The following KCNIP3 variants were observed in gnomAD, a reference collection of about 807,000 sequenced individuals.
KCNIP3 encodes calsenilin.
A neutral mutation model predicts 35.0 loss-of-function variants in KCNIP3; 28 were observed. The observed-to-expected ratio is 0.80, with a 90% CI of 0.59 to 1.10. The LOEUF is 1.10. KCNIP3 is among the 50% of genes least tolerant of loss of function. The pLI, the probability that KCNIP3 is intolerant of heterozygous loss-of-function variation, is 0.00. For synonymous variants in KCNIP3, 134 were observed against 133.8 expected (o/e 1.00, Z -0.01); for missense variants, 295 against 338.4 (o/e 0.87, Z 1.01).
chr2:95,310,784 G>C, intron 2 of KCNIP3: 1 of 495,596 alleles, frequency 2.0e-6, no homozygotes. Context: ...CAGTTGGCTA[G>C]GAAGACAGAG....
intron 2 of KCNIP3, among the ~76,000 whole-genome samples, chr2:95,350,914 G>A (rs1294662816): frequency 2.0e-5 from 3 of 152,192 alleles, no homozygotes; most frequent in Non-Finnish European, 4.4e-5. Context: ...GACTTCATGG[G>A]GGAGTCACTG....
chr2:95,365,603 G>A (rs949667007), intron 2 of KCNIP3, among the ~76,000 whole-genome samples: 1 of 152,190 alleles, frequency 6.6e-6, no homozygotes, highest in Non-Finnish European at 1.5e-5. Flanking sequence ...AGTTACAGGA[G>A]GTGAGAAAAA....
At chr2:95,332,654 T>C (rs1678960726) in intron 2 of KCNIP3, among the ~76,000 whole-genome samples, 1 of 152,222 alleles carries the variant, frequency 6.6e-6, no homozygotes, top group South Asian at 2.1e-4. Flanking sequence ...TGTGGAAAGG[T>C]ATTTTGTGGG....
chr2:95,316,036 C>T (rs1417145157), intron 2 of KCNIP3, among the ~76,000 whole-genome samples: 3 of 152,240 alleles, frequency 2.0e-5, no homozygotes, highest in African/African-American at 4.8e-5. Context: ...CACCATCAGG[C>T]GCTCCACCCC....
Position 95,378,429 on chromosome 2 carries a change from T to C in KCNIP3, c.448-3167T>C, listed in dbSNP as rs1190632431. On this transcript the variant is annotated intron_variant, in intron 5 of 8. Transcript: ENST00000295225. The surrounding 1 kb of genome is among the most constrained non-coding windows in gnomAD (Gnocchi z 4.0). ...AGGTGTGAGCCACCACACCTGGGTG[T>C]TGCTTCTTTAAAATATTTTCATTGG... Among the ~76,000 whole-genome samples the C allele has an allele frequency of 6.6e-6, 1 of 151,974 alleles. No homozygotes were observed. The highest frequency in any genetic ancestry group is 1.5e-5 in the Non-Finnish European group (1 of 67,996).
chr2:95,302,458 G>A (rs1266782166), intron 1 of KCNIP3, among the ~76,000 whole-genome samples: 5 of 152,216 alleles, frequency 3.3e-5, no homozygotes, highest in African/African-American at 2.4e-5. Flanking sequence ...CAGATGGTGA[G>A]AGCCTCCCCA....
At chr2:95,304,538 C>T (rs1195244099) in intron 1 of KCNIP3, among the ~76,000 whole-genome samples, 1 of 152,162 alleles carries the variant, frequency 6.6e-6, no homozygotes, top group Non-Finnish European at 1.5e-5. Context: ...CCAAAGCCCC[C>T]AGGACGCAGC....
intron 2 of KCNIP3, among the ~76,000 whole-genome samples, chr2:95,370,601 GTTA>G (rs1184289578): frequency 6.6e-6 from 1 of 152,236 alleles, no homozygotes; most frequent in South Asian, 2.1e-4. Flanking sequence ...ACAAAATCGA[GTTA>G]TTAGTCTTAT....
At chr2:95,332,546 C>T (rs772739534) in intron 2 of KCNIP3, among the ~76,000 whole-genome samples, 1 of 152,156 alleles carries the variant, frequency 6.6e-6, no homozygotes, top group South Asian at 2.1e-4. Flanking sequence ...GGTGAGGGGA[C>T]GGAGAGGAGG....
At chr2:95,311,965 C>T (rs1678330886) in intron 2 of KCNIP3, 1 of 152,260 alleles carries the variant, frequency 6.6e-6, no homozygotes, top group Admixed American at 6.5e-5. Flanking sequence ...CTTCAGGGCA[C>T]TGTTCATTCT....
At chr2:95,309,204 G>T (rs1429957104) in intron 1 of KCNIP3, among the ~76,000 whole-genome samples, 2 of 152,174 alleles carry the variant, frequency 1.3e-5, no homozygotes, top group Admixed American at 6.5e-5. Flanking sequence ...GACCCAGCAG[G>T]TGCACAGAGG....
intron 2 of KCNIP3, among the ~76,000 whole-genome samples, chr2:95,326,025 TCATACACA>T (rs1178876394): frequency 1.4e-5 from 2 of 145,630 alleles, no homozygotes; most frequent in African/African-American, 5.1e-5. Context: ...ACACATTCAC[TCATACACA>T]CATACACTCA....
intron 2 of KCNIP3, among the ~76,000 whole-genome samples, chr2:95,349,094 C>A (rs561951834): frequency 3.9e-5 from 6 of 152,220 alleles, no homozygotes; most frequent in South Asian, 4.2e-4. Context: ...GACACCCCCC[C>A]CCGCCCCCCG....
At chr2:95,337,079 A>T (rs1379062325) in intron 2 of KCNIP3, among the ~76,000 whole-genome samples, 1 of 151,392 alleles carries the variant, frequency 6.6e-6, no homozygotes, top group Non-Finnish European at 1.5e-5. Flanking sequence ...TCCTTTCCAG[A>T]CCCCCATCAT....
intron 2 of KCNIP3, among the ~76,000 whole-genome samples, chr2:95,345,932 G>T (rs1679343659): frequency 6.6e-6 from 1 of 152,216 alleles, no homozygotes; most frequent in Non-Finnish European, 1.5e-5. Context: ...CTTCCCCGCC[G>T]CCCGAAGGCG....
chr2:95,344,536 C>T (rs1679299283), intron 2 of KCNIP3, among the ~76,000 whole-genome samples: 1 of 152,220 alleles, frequency 6.6e-6, no homozygotes. Context: ...TTGTTTATAG[C>T]TCAGGGTTTA....
intron 4 of KCNIP3, 64 bp downstream of exon 4, chr2:95,374,981 C>T: frequency 1.9e-6 from 3 of 1,562,496 alleles, no homozygotes; most frequent in Non-Finnish European, 2.6e-6. Flanking sequence ...CTCCTGCTGC[C>T]CCTTGCATCC....
At chr2:95,367,425 A>G (rs1309839803) in intron 2 of KCNIP3, among the ~76,000 whole-genome samples, 1 of 152,176 alleles carries the variant, frequency 6.6e-6, no homozygotes, top group Admixed American at 6.5e-5. Flanking sequence ...TGGGATTTTG[A>G]TAGGAATTGT....
At chr2:95,327,888 C>G (rs934689691) in intron 2 of KCNIP3, among the ~76,000 whole-genome samples, 2 of 152,242 alleles carry the variant, frequency 1.3e-5, no homozygotes, top group Non-Finnish European at 2.9e-5. Flanking sequence ...CCTTGCAGGT[C>G]CCCTTCCAAT....
Sources: gnomAD v4.1 joint callset for allele counts (sites outside exome capture counted in the v4.1 genomes callset) on GRCh38, gnomAD v4.1.1 for gene constraint, Gnocchi (gnomAD v3.1) non-coding constraint, MANE v1.5 for transcripts, NCBI Gene and HGNC (gene_info 2026-07-23, HGNC 2026-07-21) for gene names.